Variants in THOC5 observed in about 807,000 individuals in gnomAD.
THOC5 encodes Fms-interacting protein.
A neutral mutation model predicts 92.9 loss-of-function variants in THOC5; 43 were observed. The observed-to-expected ratio is 0.46, with a 90% CI of 0.36 to 0.60. The LOEUF is 0.60. Ranked by LOEUF, THOC5 falls within the 20% of genes least tolerant of loss-of-function variation. The pLI, the probability that THOC5 is intolerant of heterozygous loss-of-function variation, is 0.00. For missense variants in THOC5, 659 were observed against 849.4 expected (o/e 0.78, Z 2.79); for synonymous variants, 296 against 320.1 (o/e 0.92, Z 0.80).
At chr22:29,526,290 T>C (rs6519792) in intron 11 of THOC5, among the ~76,000 whole-genome samples, 42,294 of 152,050 alleles carry the variant, frequency 0.28, 6,929 homozygotes, top group Admixed American at 0.41. Context: ...CCCAGCACTC[T>C]GGGAGGCCAA....
chr22:29,511,052 A>T, intron 19 of THOC5, 54 bp downstream of exon 19: 1 of 1,565,374 alleles, frequency 6.4e-7, no homozygotes. Flanking sequence ...TCTGGCTCTG[A>T]TCTCTGTCCC....
At chr22:29,548,964 G>A in intron 2 of THOC5, 88 bp downstream of exon 2, 1 of 1,312,994 alleles carries the variant, frequency 7.6e-7, no homozygotes, top group Non-Finnish European at 1.1e-6. Context: ...CCTGGTAGAT[G>A]CGACCCCGAG....
At chr22:29,516,579 A>C (rs778976703) in intron 17 of THOC5, among the ~76,000 whole-genome samples, 4 of 152,264 alleles carry the variant, frequency 2.6e-5, no homozygotes, top group African/African-American at 7.2e-5. Flanking sequence ...ATGAAGAATC[A>C]GAGCTTTCAA....
chr22:29,522,662 C>T (rs1334125281), intron 12 of THOC5, among the ~76,000 whole-genome samples: 6 of 152,060 alleles, frequency 3.9e-5, no homozygotes, highest in Non-Finnish European at 7.3e-5. Flanking sequence ...AACTTCTCAA[C>T]CAGTCAAATC....
At chr22:29,546,076 A>G (rs986978746) in intron 2 of THOC5, among the ~76,000 whole-genome samples, 1 of 152,132 alleles carries the variant, frequency 6.6e-6, no homozygotes, top group Non-Finnish European at 1.5e-5. Context: ...CAGGCTTAAC[A>G]CCACTTGGAA....
At chr22:29,542,829 T>C (rs754139594) in intron 5 of THOC5, 30 bp downstream of exon 5, 17 of 1,502,858 alleles carry the variant, frequency 1.1e-5, no homozygotes, top group South Asian at 6.8e-5. Context: ...AAAGACCACA[T>C]GTGCCAAAGC....
At chr22:29,519,675 C>G (rs1160312910) in intron 14 of THOC5, among the ~76,000 whole-genome samples, 1 of 151,480 alleles carries the variant, frequency 6.6e-6, no homozygotes, top group African/African-American at 2.4e-5. Flanking sequence ...TCTTGTTGCC[C>G]AGGCTGGAGT....
At position 29,520,083 on chromosome 22, in the gene THOC5, A is replaced by G. The variant is rs770498253; in HGVS notation, c.1299T>C (p.Tyr433=). 30 of 1,613,926 alleles carry G rather than the reference A, an allele frequency of 1.9e-5. No homozygotes were observed. The highest frequency in any genetic ancestry group is 2.5e-5 in the Non-Finnish European group (29 of 1,179,868). Residue 433 remains tyrosine (Y), a synonymous_variant, in exon 14 of 20, where the codon TAT becomes TAC. Transcript: ENST00000490103. The part of the protein sequence containing the change: ...DKVGILTLSD[Y]VLELGHPYLW... ...AATAGGGGTGACCTAGCTCAAGTAC[A>G]TAGTCGCTCAAAGTCAGGATGCTGC... is the stretch of plus-strand genomic sequence containing the variant.
chr22:29,522,745 G>A (rs1340512359), intron 12 of THOC5, among the ~76,000 whole-genome samples: 2 of 152,152 alleles, frequency 1.3e-5, no homozygotes, highest in African/African-American at 4.8e-5. Context: ...GCTCACGCCT[G>A]TAATCCCAGC....
intron 3 of THOC5, among the ~76,000 whole-genome samples, chr22:29,543,965 G>T (rs2063957854): frequency 6.6e-6 from 1 of 152,144 alleles, no homozygotes; most frequent in South Asian, 2.1e-4. Context: ...AACAAAACTT[G>T]TCAGCATAAG....
At chr22:29,543,634 CA>C in intron 3 of THOC5, 92 bp from the exon 4 acceptor site, 58 of 807,004 alleles carry the variant, frequency 7.2e-5, no homozygotes, top group Middle Eastern at 2.7e-4. Context: ...CATCTGGGGC[CA>C]AAAACGGCAC....
At position 29,508,462 on chromosome 22, in the gene THOC5, G is replaced by C. The variant is rs749853907; in HGVS notation, c.2047C>G (p.Arg683Gly). ...ACAACGGTCTGCGCGGGAGATCAGC[G>C]ATGGCTGAAGAATCCCTGAGGATGG... is the stretch of plus-strand genomic sequence containing the variant. ...YNHPQGFFSH[R>G] The change falls in exon 20 of 20, where the codon CGC (arginine) becomes GGC (glycine). Residue 683 changes from arginine to glycine, a missense_variant. Coordinates refer to ENST00000490103, the MANE Select transcript of THOC5 (RefSeq NM_003678.5). 6.2e-7 allele frequency: 1 copy of C among 1,614,154 alleles called. No individual in the cohort carries two copies. Among genetic ancestry groups the C allele is most frequent in the Non-Finnish European group, 8.5e-7 (1 of 1,180,002 alleles).
intron 10 of THOC5, 66 bp from the exon 11 acceptor site, chr22:29,528,243 C>T: frequency 6.2e-7 from 1 of 1,614,006 alleles, no homozygotes; most frequent in Non-Finnish European, 8.5e-7. Context: ...CCTCTCCCAA[C>T]CAGCCAGGCC....
intron 6 of THOC5, 86 bp from the exon 7 acceptor site, chr22:29,536,824 G>T: frequency 1.3e-6 from 1 of 778,174 alleles, no homozygotes; most frequent in Non-Finnish European, 2.3e-6. Context: ...CCACCTAATA[G>T]TAGCAGCCAT....
At chr22:29,528,001 C>T in intron 11 of THOC5, 77 bp downstream of exon 11, 1 of 1,426,064 alleles carries the variant, frequency 7.0e-7, no homozygotes, top group Non-Finnish European at 9.8e-7. Context: ...GTGTTTGGCT[C>T]CCGGACCCTC....
chr22:29,525,457 C>A lies in THOC5; in HGVS notation c.1175+381G>T, dbSNP rs376018953. ...CTGAGCTGGGGAGCAAAAATCCCAG[C>A]ACCTTGGGATAGAAAGAGAAAAGGG... is the stretch of plus-strand genomic sequence containing the variant. On this transcript the variant is annotated intron_variant, in intron 12 of 19. Transcript: ENST00000490103. 1.2e-4 allele frequency among the ~76,000 whole-genome samples: 18 copies of A among 152,158 alleles called. 1 individual carries two copies. The South Asian group carries it at 3.5e-3, about 30-fold the overall frequency.
intron 17 of THOC5, among the ~76,000 whole-genome samples, chr22:29,515,361 C>T (rs1191222352): frequency 6.6e-6 from 1 of 152,134 alleles, no homozygotes; most frequent in Non-Finnish European, 1.5e-5. Context: ...TTTTTAAAAA[C>T]ATGATGCTAT....
At position 29,528,066 on chromosome 22, in the gene THOC5, G is replaced by A. The variant is rs763136063; in HGVS notation, c.1066+12C>T. On this transcript the variant is annotated intron_variant, in intron 11 of 19. Coordinates refer to ENST00000490103, the MANE Select transcript of THOC5 (RefSeq NM_003678.5). Reference sequence around the variant, plus strand: ...GCTACAGATCCCTTAAACAAGGTGAGTGCAACCAGACCTTTGCACTTCAGG... The same window carrying A: ...GCTACAGATCCCTTAAACAAGGTGAATGCAACCAGACCTTTGCACTTCAGG... The A allele has an allele frequency of 2.5e-6, 4 of 1,613,960 alleles. No homozygotes were observed. The South Asian group carries it at 3.3e-5, about 13-fold the overall frequency.
chr22:29,516,797 T>C (rs1460259919), intron 17 of THOC5, among the ~76,000 whole-genome samples: 1 of 152,086 alleles, frequency 6.6e-6, no homozygotes, highest in East Asian at 1.9e-4. Context: ...TCCTCCCATG[T>C]AAAATAGAAA....
Sources: gnomAD v4.1 joint callset for allele counts (sites outside exome capture counted in the v4.1 genomes callset) on GRCh38, gnomAD v4.1.1 for gene constraint, MANE v1.5 for transcripts, NCBI Gene and HGNC (gene_info 2026-07-23, HGNC 2026-07-21) for gene names.